The following RORC variants were observed in gnomAD, a reference collection of about 807,000 sequenced individuals.
RORC encodes the protein RAR related orphan receptor C, also known as nuclear receptor ROR-gamma.
RORC carries 13 observed loss-of-function variants against 64.5 expected under a neutral mutation model. That is an observed-to-expected ratio of 0.20 (90% CI 0.13 to 0.32). RORC has a LOEUF of 0.32. Among genes scored for constraint, RORC ranks in the 10% least tolerant of loss-of-function variants. The pLI, the probability that RORC is intolerant of heterozygous loss-of-function variation, is 1.00. For missense variants in RORC, 468 were observed against 669.5 expected, an observed-to-expected ratio of 0.70 and a Z score of 3.32; for synonymous variants, 277 against 259.3, an observed-to-expected ratio of 1.07 and a Z score of -0.65.
Position 151,815,372 on chromosome 1 carries a change from C to T in RORC, c.352G>A (p.Val118Met). The T allele has an allele frequency of 6.4e-7, 1 of 1,563,162 alleles. No homozygotes were observed. The highest frequency in any genetic ancestry group is 8.7e-7 in the Non-Finnish European group (1 of 1,155,692). Residue 118 changes from valine to methionine, a missense_variant, in exon 5 of 11, where the codon GTG (valine) becomes ATG (methionine). Around this residue, in one of 5 missense-constraint regions of RORC, gnomAD observed 241 missense variants for 295.5 expected, o/e 0.82. Transcript: ENST00000318247. ...KKQRDSLHAEVQKQLQQRQQQ... is the reference protein window; with the variant it reads ...KKQRDSLHAEMQKQLQQRQQQ... ...TGCCGCTGCTGCAGCTGTTTCTGCA[C>T]TTCTGCATGCAGGCTGTCCCTCTGC...
rs191555943 is a variant in RORC at position 151,810,124 on chromosome 1, T to C, written c.1395+1201A>G. Reference sequence around the variant, plus strand: ...TTCTCCTGTTGTTCTTGGTCTTCATTGTACCCTAGTCCCACACCCAAATCC... The same window carrying C: ...TTCTCCTGTTGTTCTTGGTCTTCATCGTACCCTAGTCCCACACCCAAATCC... On this transcript the variant is annotated intron_variant, in intron 10 of 10. Transcript: ENST00000318247. Among the ~76,000 whole-genome samples the C allele has an allele frequency of 3.1e-4, 47 of 152,324 alleles. 1 individual carries two copies. Among genetic ancestry groups the C allele is most frequent in the Admixed American group, 2.2e-3 (33 of 15,302 alleles).
chr1:151,826,105 T>G lies in RORC; in HGVS notation c.70+3324A>C, dbSNP rs1652186478. 2.1e-6 allele frequency: 3 copies of G among 1,414,834 alleles called. No homozygotes were observed. The East Asian group carries it at 8.0e-5, about 38-fold the overall frequency. 87.6% of individuals were successfully genotyped at this position (1,414,834 alleles called of 1,614,324 possible). A position where few individuals can be genotyped will look rare whatever the true frequency, so the allele number is the denominator to read the frequency against. The stretch of plus-strand genomic sequence containing the variant: ...CCCAGTGCTTCTGGACTGGGGGGTT[T>G]AAGCTCTGCACCACACAGGTGGCCA... On this transcript the variant is annotated intron_variant, in intron 2 of 10. Coordinates refer to ENST00000318247, the MANE Select transcript of RORC (RefSeq NM_005060.4).
chr1:151,830,570 A>C lies in RORC; in HGVS notation c.41-1112T>G, dbSNP rs1278924536. 7.3e-6 allele frequency among the ~76,000 whole-genome samples: 1 copy of C among 137,610 alleles called. No homozygotes were observed. The highest frequency in any genetic ancestry group is 1.6e-5 in the Non-Finnish European group (1 of 64,444). 90.3% of individuals were successfully genotyped at this position (137,610 alleles called of 152,430 possible). ...CCCCCTATAGCTTCCCTAACCTCTGACTCTATTCTGTTATTTTTTTCCTTC... is the reference window on the plus strand; with the variant it reads ...CCCCCTATAGCTTCCCTAACCTCTGCCTCTATTCTGTTATTTTTTTCCTTC... On this transcript the variant is annotated intron_variant, in intron 1 of 10. Coordinates refer to ENST00000318247, the MANE Select transcript of RORC (RefSeq NM_005060.4). This position sits in a 1 kb window ranked among gnomAD's most constrained non-coding sequence, Gnocchi z 4.0.
In RORC at chr1:151,813,313, C is replaced by T. The variant is rs1347965305; in HGVS notation, c.1100G>A (p.Arg367Gln). 6.2e-6 allele frequency: 10 copies of T among 1,614,124 alleles called. No individual in the cohort carries two copies. In the East Asian group the frequency reaches 6.7e-5, roughly 11 times the overall value. ...AMEVVLVRMC[R>Q]AYNADNRTVF... is the part of the protein sequence containing the mutation. ...CGTGCGGTTGTCAGCATTGTAGGCC[C>T]GGCACATCCTAACCAGCACCACTTC... Residue 367 changes from arginine to glutamine, a missense_variant, in exon 8 of 11, where the codon CGG becomes CAG. By Grantham distance (43) the Arg-to-Gln change is conservative. Around this residue, in one of 5 missense-constraint regions of RORC, gnomAD observed 100 missense variants for 190.8 expected, o/e 0.52. Transcript: ENST00000318247.
In RORC at chr1:151,809,572, G is replaced by C. The variant is rs532058310; in HGVS notation, c.1395+1753C>G. Among the ~76,000 whole-genome samples the C allele has an allele frequency of 2.0e-5, 3 of 152,272 alleles. No homozygotes were observed. The East Asian group carries it at 5.8e-4, about 29-fold the overall frequency. The stretch of plus-strand genomic sequence containing the variant: ...TTAGGAGGCCTCTCTTAAAGTCCAA[G>C]TGAAAGCTGAGAGCTGGTAGGGGCC... On this transcript the variant is annotated intron_variant, in intron 10 of 10. Coordinates refer to ENST00000318247, the MANE Select transcript of RORC (RefSeq NM_005060.4).
At chr1:151,831,029 C>T (rs1409890986) in intron 1 of RORC, 1 of 1,289,338 alleles carries the variant, frequency 7.8e-7, no homozygotes, top group Non-Finnish European at 1.0e-6. Context: ...GCCTGTGGCC[C>T]TGCGATCCTG....
At chr1:151,828,107 C>T (rs1232850193) in intron 2 of RORC, among the ~76,000 whole-genome samples, 1 of 152,176 alleles carries the variant, frequency 6.6e-6, no homozygotes, top group Non-Finnish European at 1.5e-5. Context: ...GAGGTAGCAT[C>T]CTGGATGGCC....
chr1:151,829,031 C>T (rs1468721432), intron 2 of RORC, among the ~76,000 whole-genome samples: 3 of 151,768 alleles, frequency 2.0e-5, no homozygotes, highest in Non-Finnish European at 2.9e-5. Context: ...TTGGCAGCAG[C>T]GCTGAGTTCC....
rs1420886039 is a variant in RORC, at chr1:151,830,479, T to G, written c.41-1021A>C. 6.6e-6 allele frequency among the ~76,000 whole-genome samples: 1 copy of G among 152,044 alleles called. No individual in the cohort carries two copies. Among genetic ancestry groups the G allele is most frequent in the Non-Finnish European group, 1.5e-5 (1 of 67,994 alleles). On this transcript the variant is annotated intron_variant, in intron 1 of 10. Transcript: ENST00000318247. The surrounding 1 kb of genome is among the most constrained non-coding windows in gnomAD (Gnocchi z 4.0). Reference sequence around the variant, plus strand: ...CCTTGGCCCATTTCCTACATCCACATAGCAGCTCATCACAGAACACATGGC... The same window carrying G: ...CCTTGGCCCATTTCCTACATCCACAGAGCAGCTCATCACAGAACACATGGC...
At chr1:151,831,278 A>C in intron 1 of RORC, 2 of 473,528 alleles carry the variant, frequency 4.2e-6, no homozygotes, top group Non-Finnish European at 7.0e-6. Flanking sequence ...CCACTGGTGA[A>C]TGAACAGAAG....
At chr1:151,829,336 T>G in intron 2 of RORC, 93 bp downstream of exon 2, 1 of 1,253,912 alleles carries the variant, frequency 8.0e-7, no homozygotes, top group Non-Finnish European at 1.1e-6. Context: ...CCTCCACCTC[T>G]GTCCAACCTC....
At chr1:151,817,050 G>A in intron 3 of RORC, 145 bp downstream of exon 3, 1 of 761,262 alleles carries the variant, frequency 1.3e-6, no homozygotes, top group Admixed American at 2.7e-5. Flanking sequence ...TGGCTGCCCA[G>A]GAGATCATCC....
In RORC at chr1:151,814,797, C is replaced by T. The variant is rs1444757357; in HGVS notation, c.812-102G>A. 3 of 1,542,256 alleles carry T rather than the reference C, an allele frequency of 1.9e-6. No individual in the cohort carries two copies. In the East Asian group the frequency reaches 6.9e-5, roughly 35 times the overall value. ...TGGCCTATCCTGCTCCGCCTCCTCC[C>T]TCCGCCCCTCGTCTGGACCCCTCAA... is the stretch of plus-strand genomic sequence containing the variant. On this transcript the variant is annotated intron_variant, in intron 5 of 10. Transcript: ENST00000318247.
chr1:151,817,429 G>A (rs1057436673), intron 2 of RORC, 149 bp from the exon 3 acceptor site: 7 of 633,122 alleles, frequency 1.1e-5, no homozygotes, highest in Non-Finnish European at 2.0e-5. Flanking sequence ...AAATGGAAGG[G>A]GAAGTGAAAT....
intron 10 of RORC, 63 bp downstream of exon 10, chr1:151,811,261 CA>C: frequency 9.1e-7 from 1 of 1,103,596 alleles, no homozygotes; most frequent in African/African-American, 1.5e-5. Context: ...CCGGCCCTCG[CA>C]AACTCTGATG....
Position 151,806,400 on chromosome 1 carries a change from G to A in RORC, c.*1072C>T, listed in dbSNP as rs1005006403. On this transcript the variant is annotated 3_prime_UTR_variant, in exon 11 of 11. Coordinates refer to ENST00000318247, the MANE Select transcript of RORC (RefSeq NM_005060.4). The stretch of plus-strand genomic sequence containing the variant: ...CAGGGCTGGCGGGCAGGCCAGGAAA[G>A]TCCTCCAGGATCTGATCTTGCCTTC... The A allele has an allele frequency of 6.5e-6, 1 of 153,418 alleles. No individual in the cohort carries two copies. Among genetic ancestry groups the A allele is most frequent in the Non-Finnish European group, 1.5e-5 (1 of 68,072 alleles). The allele number at this position is 153,418 out of a possible 1,614,324, so 9.5% of individuals were successfully genotyped here. A position where few individuals can be genotyped will look rare whatever the true frequency, so the allele number is the denominator to read the frequency against.
At chr1:151,818,040 C>A (rs1188346707) in intron 2 of RORC, among the ~76,000 whole-genome samples, 1 of 152,230 alleles carries the variant, frequency 6.6e-6, no homozygotes, top group Admixed American at 6.5e-5. Flanking sequence ...CATGAATCAT[C>A]AATGTTAAAA....
rs139309255 is a variant in RORC at position 151,807,174 on chromosome 1, G to T, written c.*298C>A. The T allele has an allele frequency of 3.2e-6, 1 of 308,096 alleles. No homozygotes were observed. The highest frequency in any genetic ancestry group is 2.1e-5 in the African/African-American group (1 of 47,294). 19.1% of individuals were successfully genotyped at this position (308,096 alleles called of 1,614,324 possible). A position where few individuals can be genotyped will look rare whatever the true frequency, so the allele number is the denominator to read the frequency against. On this transcript the variant is annotated 3_prime_UTR_variant, in exon 11 of 11. Transcript: ENST00000318247. The surrounding 1 kb of genome is among the most constrained non-coding windows in gnomAD (Gnocchi z 5.0). Reference sequence around the variant, plus strand: ...TTGAGGATGTCTTGGTCCCCCAGAAGTCCTTAAATCCCAGCCACCCCATGC... The same window carrying T: ...TTGAGGATGTCTTGGTCCCCCAGAATTCCTTAAATCCCAGCCACCCCATGC...
intron 10 of RORC, among the ~76,000 whole-genome samples, chr1:151,808,771 T>C (rs1651408637): frequency 6.6e-6 from 1 of 152,174 alleles, no homozygotes; most frequent in Non-Finnish European, 1.5e-5. Flanking sequence ...ATGTAGTGTA[T>C]CAGATAATAA....
Sources: allele counts gnomAD v4.1 joint callset (sites outside exome capture counted in the v4.1 genomes callset), GRCh38; gene constraint gnomAD v4.1.1; regional missense constraint gnomAD v4.1.1; non-coding constraint Gnocchi (gnomAD v3.1); transcripts MANE v1.5; gene names NCBI Gene and HGNC (gene_info 2026-07-23, HGNC 2026-07-21).